Variants in CCDC102B observed in about 807,000 individuals in gnomAD.
CCDC102B encodes the protein coiled-coil domain containing 102B, also known as coiled-coil domain-containing protein 102B.
Under a neutral mutation model 57.4 loss-of-function variants are expected in CCDC102B, and 75 were observed. The observed-to-expected ratio is 1.31, with a 90% CI of 1.08 to 1.58. The LOEUF is 1.58. Ranked by LOEUF, CCDC102B falls within the 40% of genes most tolerant of loss-of-function variation. The probability of loss-of-function intolerance (pLI) is 0.00; values close to 1 mark genes in which losing one functional copy is unlikely to be tolerated. For synonymous variants in CCDC102B, 206 were observed against 201.9 expected (o/e 1.02, Z -0.17); for missense variants, 636 against 582.6 (o/e 1.09, Z -0.94).
At chr18:68,901,411 T>C (rs2040448346) in intron 6 of CCDC102B, among the ~76,000 whole-genome samples, 1 of 152,126 alleles carries the variant, frequency 6.6e-6, no homozygotes, top group Non-Finnish European at 1.5e-5. Context: ...CCAGATTTGG[T>C]TCATAGGTCA....
intron 4 of CCDC102B, among the ~76,000 whole-genome samples, chr18:68,859,216 A>C (rs2038624815): frequency 7.6e-6 from 1 of 131,762 alleles, no homozygotes; most frequent in South Asian, 2.7e-4. Context: ...TTCCGTATTT[A>C]ATAAATGGTG....
At chr18:68,818,654 C>T (rs1349962819) in intron 1 of CCDC102B, among the ~76,000 whole-genome samples, 1 of 152,080 alleles carries the variant, frequency 6.6e-6, no homozygotes, top group African/African-American at 2.4e-5. Flanking sequence ...GTGCCAGCTT[C>T]TTTTACTTCG....
At chr18:68,733,759 A>AT (rs2033003718) in intron 2 of CCDC102B, among the ~76,000 whole-genome samples, 1 of 151,948 alleles carries the variant, frequency 6.6e-6, no homozygotes, top group Non-Finnish European at 1.5e-5. Flanking sequence ...ACGATTAAAA[A>AT]TTTTTTACAC....
intron 4 of CCDC102B, among the ~76,000 whole-genome samples, chr18:68,849,572 A>G (rs746088366): frequency 6.6e-6 from 1 of 152,100 alleles, no homozygotes; most frequent in Non-Finnish European, 1.5e-5. Context: ...ACCACCAAGC[A>G]GCATGATATT....
In CCDC102B at chr18:68,936,471, A is replaced by T. The variant is rs1434216711; in HGVS notation, c.1263+39043A>T. ...TCTTTCAGCCCCTTGGTATAGAAGG[A>T]ATAGATTGTTACAGGAGTCTTAGTT... is the stretch of plus-strand genomic sequence containing the variant. On this transcript the variant is annotated intron_variant, in intron 6 of 7. Transcript: ENST00000360242. 2.6e-5 allele frequency among the ~76,000 whole-genome samples: 4 copies of T among 152,116 alleles called. No homozygotes were observed. In the East Asian group the frequency reaches 5.8e-4, roughly 22 times the overall value.
intron 6 of CCDC102B, among the ~76,000 whole-genome samples, chr18:68,995,423 G>C (rs374625205): frequency 2.0e-5 from 3 of 152,104 alleles, no homozygotes; most frequent in Non-Finnish European, 4.4e-5. Flanking sequence ...AGGAAAAAAC[G>C]GTTTCCTGGG....
chr18:68,861,933 G>A (rs1378141682), intron 4 of CCDC102B, among the ~76,000 whole-genome samples: 1 of 152,116 alleles, frequency 6.6e-6, no homozygotes, highest in Non-Finnish European at 1.5e-5. Context: ...TGGAATAATA[G>A]AAAGTGATTG....
At chr18:69,042,824 G>A (rs911967104) in intron 7 of CCDC102B, among the ~76,000 whole-genome samples, 5 of 152,142 alleles carry the variant, frequency 3.3e-5, no homozygotes, top group East Asian at 1.9e-4. Flanking sequence ...TAATGTATGT[G>A]TGGCAATGAT....
At chr18:68,981,684 A>C (rs980902019) in intron 6 of CCDC102B, among the ~76,000 whole-genome samples, 1 of 151,980 alleles carries the variant, frequency 6.6e-6, no homozygotes, top group Non-Finnish European at 1.5e-5. Context: ...TAAGGCAGAA[A>C]TTTCTGAAAT....
At chr18:69,050,437 A>G (rs1016444134) in intron 7 of CCDC102B, among the ~76,000 whole-genome samples, 1 of 152,156 alleles carries the variant, frequency 6.6e-6, no homozygotes, top group Non-Finnish European at 1.5e-5. Flanking sequence ...ATTTTACTGC[A>G]TTAACTTTCC....
chr18:68,998,997 TATAGAGAGAG>T (rs1329031728), intron 6 of CCDC102B, among the ~76,000 whole-genome samples: 610 of 30,340 alleles, frequency 0.02, 1 homozygote, highest in African/African-American at 0.028. Flanking sequence ...TATATATATA[TATAGAGAGAG>T]AGAGAGAGAG....
intron 7 of CCDC102B, among the ~76,000 whole-genome samples, chr18:69,043,042 G>A (rs2052470820): frequency 1.3e-5 from 2 of 152,132 alleles, no homozygotes; most frequent in South Asian, 4.1e-4. Flanking sequence ...ATTCGTGGGT[G>A]TTTCTCCAAG....
At chr18:68,983,580 A>G (rs2145300803) in intron 6 of CCDC102B, among the ~76,000 whole-genome samples, 1 of 152,144 alleles carries the variant, frequency 6.6e-6, no homozygotes, top group Non-Finnish European at 1.5e-5. Flanking sequence ...CAATGCAGTA[A>G]CAATCCCCTA....
chr18:68,846,365 C>T lies in CCDC102B; in HGVS notation c.880C>T (p.Leu294=), dbSNP rs772539222. 4 of 1,588,036 alleles carry T rather than the reference C, an allele frequency of 2.5e-6. No individual in the cohort carries two copies. Among genetic ancestry groups the T allele is most frequent in the African/African-American group, 1.4e-5 (1 of 73,278 alleles). The change falls in exon 4 of 8, where the codon CTG becomes TTG. Residue 294 remains leucine (L), a synonymous_variant. Coordinates refer to ENST00000360242, the MANE Select transcript of CCDC102B (RefSeq NM_024781.3). ...EIERLESALS[L]WKWKYEELKE... ...AGAGAGACTGGAGTCGGCTTTGTCTCTGTGGAAGTGGAAGTATGAAGAACT... is the reference window on the plus strand; with the variant it reads ...AGAGAGACTGGAGTCGGCTTTGTCTTTGTGGAAGTGGAAGTATGAAGAACT...
intron 1 of CCDC102B, among the ~76,000 whole-genome samples, chr18:68,816,229 A>G (rs1457205239): frequency 1.3e-5 from 2 of 152,202 alleles, no homozygotes; most frequent in East Asian, 1.9e-4. Context: ...TCATGTACAG[A>G]AAGAGAATTT....
intron 6 of CCDC102B, among the ~76,000 whole-genome samples, chr18:68,964,047 T>G (rs1207822382): frequency 1.3e-5 from 2 of 151,906 alleles, no homozygotes; most frequent in African/African-American, 4.8e-5. Flanking sequence ...ACAAATGGTG[T>G]CTGTCTTCGG....
At chr18:68,837,828 C>T (rs1157171766) in intron 2 of CCDC102B, among the ~76,000 whole-genome samples, 3 of 152,132 alleles carry the variant, frequency 2.0e-5, no homozygotes, top group East Asian at 3.9e-4. Context: ...ATGTATCCTT[C>T]GTCTGACTTC....
At chr18:68,869,956 C>G (rs1478847763) in intron 4 of CCDC102B, among the ~76,000 whole-genome samples, 1 of 151,998 alleles carries the variant, frequency 6.6e-6, no homozygotes, top group African/African-American at 2.4e-5. Flanking sequence ...GCCAGTTTTC[C>G]CAGCACTATT....
chr18:68,898,478 C>A (rs943549321), intron 6 of CCDC102B, among the ~76,000 whole-genome samples: 4 of 152,038 alleles, frequency 2.6e-5, no homozygotes, highest in African/African-American at 9.7e-5. Context: ...GATTCATAAA[C>A]TATCCATAAT....
Sources: gnomAD v4.1 joint callset for allele counts (sites outside exome capture counted in the v4.1 genomes callset) on GRCh38, gnomAD v4.1.1 for gene constraint, MANE v1.5 for transcripts, NCBI Gene and HGNC (gene_info 2026-07-23, HGNC 2026-07-21) for gene names.